FOXJ3: variants seen among roughly 807,000 people sequenced by gnomAD.
FOXJ3 encodes the protein forkhead box protein J3.
A neutral mutation model predicts 76.1 loss-of-function variants in FOXJ3; 22 were observed. The observed-to-expected ratio is 0.29, with a 90% CI of 0.21 to 0.41. The LOEUF (loss-of-function observed/expected upper bound fraction) is 0.41. FOXJ3 is among the 10% of genes least tolerant of loss of function. The pLI, the probability that FOXJ3 is intolerant of heterozygous loss-of-function variation, is 1.00. For synonymous variants in FOXJ3, 269 were observed against 261.2 expected, an observed-to-expected ratio of 1.03 and a Z score of -0.29; for missense variants, 613 against 762.1, an observed-to-expected ratio of 0.80 and a Z score of 2.30.
At chr1:42,257,737 C>CAAAA (rs10660267) in intron 4 of FOXJ3, among the ~76,000 whole-genome samples, 7 of 131,908 alleles carry the variant, frequency 5.3e-5, no homozygotes, top group Admixed American at 2.3e-4. Context: ...GACTCTGTCT[C>CAAAA]AAAAAAAAAA....
chr1:42,180,800 C>T (rs668145), intron 12 of FOXJ3, among the ~76,000 whole-genome samples: 44,554 of 152,076 alleles, frequency 0.29, 7,119 homozygotes, highest in African/African-American at 0.43. Flanking sequence ...CTCGAGGACA[C>T]AGGTAGTTTT....
intron 4 of FOXJ3, among the ~76,000 whole-genome samples, chr1:42,238,558 G>A (rs1176305465): frequency 2.0e-5 from 3 of 151,982 alleles, no homozygotes; most frequent in Non-Finnish European, 4.4e-5. Flanking sequence ...TGAAACCTAT[G>A]AGGAATTATT....
At chr1:42,186,323 A>T (rs1462862056) in intron 11 of FOXJ3, among the ~76,000 whole-genome samples, 3 of 152,156 alleles carry the variant, frequency 2.0e-5, no homozygotes, top group Non-Finnish European at 4.4e-5. Context: ...ATGAGAGAAC[A>T]ACTGTTGTCA....
chr1:42,305,064 G>T (rs1654374440), intron 2 of FOXJ3, among the ~76,000 whole-genome samples: 1 of 152,114 alleles, frequency 6.6e-6, no homozygotes, highest in Non-Finnish European at 1.5e-5. Context: ...TTAATAAGCT[G>T]ATTTTTAAAA....
intron 4 of FOXJ3, among the ~76,000 whole-genome samples, chr1:42,241,233 A>G (rs1649116037): frequency 6.6e-6 from 1 of 152,102 alleles, no homozygotes; most frequent in Non-Finnish European, 1.5e-5. Context: ...CAGGGTCTGA[A>G]GCACACACTC....
intron 2 of FOXJ3, among the ~76,000 whole-genome samples, chr1:42,279,062 A>T (rs1652503966): frequency 6.6e-6 from 1 of 152,184 alleles, no homozygotes; most frequent in South Asian, 2.1e-4. Context: ...AAAAGCTTAA[A>T]ATGTACCTCT....
chr1:42,202,466 A>G (rs536963854), intron 6 of FOXJ3, among the ~76,000 whole-genome samples: 1 of 152,346 alleles, frequency 6.6e-6, no homozygotes, highest in East Asian at 1.9e-4. Flanking sequence ...CAAGCAAACT[A>G]ATAAACGTAT....
intron 5 of FOXJ3, among the ~76,000 whole-genome samples, chr1:42,225,118 C>T (rs1005621706): frequency 2.6e-5 from 4 of 151,696 alleles, no homozygotes; most frequent in Admixed American, 2.6e-4. Flanking sequence ...TCTGTTCCAT[C>T]AAAAGCTCAT....
chr1:42,213,727 T>C (rs1315790703), intron 5 of FOXJ3, among the ~76,000 whole-genome samples: 2 of 152,160 alleles, frequency 1.3e-5, no homozygotes, highest in African/African-American at 4.8e-5. Flanking sequence ...ACTGTATAAT[T>C]TCACTTACAT....
At chr1:42,287,381 T>C (rs1264762597) in intron 2 of FOXJ3, among the ~76,000 whole-genome samples, 3 of 152,062 alleles carry the variant, frequency 2.0e-5, no homozygotes, top group Non-Finnish European at 2.9e-5. Context: ...TAAATTACCC[T>C]TGCTACAGAG....
intron 11 of FOXJ3, among the ~76,000 whole-genome samples, chr1:42,184,448 TATAG>T (rs960515440): frequency 9.9e-5 from 15 of 152,270 alleles, no homozygotes; most frequent in South Asian, 6.2e-4. Flanking sequence ...TTTATTTTCA[TATAG>T]AAATTCCCAT....
At chr1:42,324,360 T>TATACTATATATATTATATATAACATATAA (rs1557726731) in intron 1 of FOXJ3, among the ~76,000 whole-genome samples, 1,630 of 146,382 alleles carry the variant, frequency 0.011, 32 homozygotes, top group African/African-American at 0.039. Context: ...ACATAACATA[T>TATACTATATATATTATATATAACATATAA]ATACTATATA....
intron 1 of FOXJ3, among the ~76,000 whole-genome samples, chr1:42,324,115 G>GTGTATACACAGTA (rs1553170589): frequency 1.9e-5 from 1 of 52,360 alleles, no homozygotes; most frequent in Admixed American, 2.1e-4. Context: ...TATATACACT[G>GTGTATACACAGTA]TATATACACA....
At chr1:42,318,259 G>T (rs1655236900) in intron 1 of FOXJ3, among the ~76,000 whole-genome samples, 1 of 152,174 alleles carries the variant, frequency 6.6e-6, no homozygotes, top group South Asian at 2.1e-4. Context: ...GCAAGAATCT[G>T]AACAGACATT....
chr1:42,226,388 G>C (rs1647570039), intron 5 of FOXJ3, among the ~76,000 whole-genome samples: 1 of 152,224 alleles, frequency 6.6e-6, no homozygotes. Context: ...AAGGTGGGTG[G>C]ATCACCTGAG....
intron 4 of FOXJ3, among the ~76,000 whole-genome samples, chr1:42,235,682 C>CTTTT (rs1648564589): frequency 6.6e-6 from 1 of 152,092 alleles, no homozygotes; most frequent in African/African-American, 2.4e-5. Flanking sequence ...CCTGCCTTAG[C>CTTTT]CTCCCAGGTA....
At chr1:42,259,792 A>C (rs1427632718) in intron 4 of FOXJ3, among the ~76,000 whole-genome samples, 1 of 152,124 alleles carries the variant, frequency 6.6e-6, no homozygotes, top group Non-Finnish European at 1.5e-5. Context: ...TTAATTCCTG[A>C]TTCTACCCAG....
chr1:42,197,692 G>T (rs1227336952), intron 7 of FOXJ3, among the ~76,000 whole-genome samples: 2 of 151,272 alleles, frequency 1.3e-5, no homozygotes, highest in Non-Finnish European at 1.5e-5. Flanking sequence ...AAGAAAGAAA[G>T]AAAGAAATAA....
chr1:42,284,720 C>T (rs1652941127), intron 2 of FOXJ3, among the ~76,000 whole-genome samples: 1 of 152,144 alleles, frequency 6.6e-6, no homozygotes, highest in Non-Finnish European at 1.5e-5. Flanking sequence ...CTCACGAAAG[C>T]CACCTTTTCC....
Sources: gnomAD v4.1 joint callset for allele counts (sites outside exome capture counted in the v4.1 genomes callset) on GRCh38, gnomAD v4.1.1 for gene constraint, MANE v1.5 for transcripts, NCBI Gene and HGNC (gene_info 2026-07-23, HGNC 2026-07-21) for gene names.